TOX: variants seen among roughly 807,000 people sequenced by gnomAD.
TOX encodes thymocyte selection associated high mobility group box.
A neutral mutation model predicts 53.7 loss-of-function variants in TOX; 11 were observed. The ratio of observed to expected loss-of-function variants is 0.20; its 90% CI spans 0.13 to 0.34. The LOEUF is 0.34. TOX is among the 10% of genes least tolerant of loss of function. The pLI is 1.00. For synonymous variants in TOX, 225 were observed against 245.3 expected (o/e 0.92, Z 0.77); for missense variants, 570 against 664.6 (o/e 0.86, Z 1.56).
Position 58,806,138 on chromosome 8 carries a change from C to T in TOX, c.*1609G>A, listed in dbSNP as rs1368416902. ...GCAGATTCTCAAGCACTTTTGGTTC[C>T]CTAGCAAATCTCTGGTACCTTAAGA... On this transcript the variant is annotated 3_prime_UTR_variant, in exon 9 of 9. Transcript: ENST00000361421. 1 of 152,106 alleles carries T rather than the reference C, an allele frequency of 6.6e-6. No homozygotes were observed. The highest frequency in any genetic ancestry group is 2.4e-5 in the African/African-American group (1 of 41,398). The allele number at this position is 152,106 out of a possible 1,614,324, so 9.4% of individuals were successfully genotyped here. A position where few individuals can be genotyped will look rare whatever the true frequency, so the allele number is the denominator to read the frequency against.
Position 58,963,666 on chromosome 8 carries a change from C to T in TOX, c.103-3658G>A, listed in dbSNP as rs546857997. Among the ~76,000 whole-genome samples the T allele has an allele frequency of 6.6e-5, 10 of 152,266 alleles. No individual in the cohort carries two copies. In the South Asian group the frequency reaches 1.7e-3, roughly 25 times the overall value. On this transcript the variant is annotated intron_variant, in intron 1 of 8. Transcript: ENST00000361421. ...TCCAGAATGCCTTCCTTCCCTTTCA[C>T]TTGTCGCAGTGTTTTGTAGACTCCT...
At chr8:59,099,858 A>G (rs918649049) in intron 1 of TOX, among the ~76,000 whole-genome samples, 1 of 152,200 alleles carries the variant, frequency 6.6e-6, no homozygotes, top group Non-Finnish European at 1.5e-5. Context: ...AAAGTCAACC[A>G]AATCTCTTTT....
At chr8:59,057,131 T>G (rs1803901559) in intron 1 of TOX, among the ~76,000 whole-genome samples, 1 of 152,160 alleles carries the variant, frequency 6.6e-6, no homozygotes, top group Non-Finnish European at 1.5e-5. Flanking sequence ...ACCTTCCAAA[T>G]GCTAGTGCTG....
At chr8:58,977,241 G>A (rs947039273) in intron 1 of TOX, among the ~76,000 whole-genome samples, 8 of 152,204 alleles carry the variant, frequency 5.3e-5, no homozygotes, top group East Asian at 1.9e-4. Flanking sequence ...TTTATGTTAT[G>A]AAAATAACTA....
rs895721059 is a variant in TOX at position 58,851,357 on chromosome 8, A to C, written c.693+167T>G. 5.9e-5 allele frequency among the ~76,000 whole-genome samples: 9 copies of C among 152,274 alleles called. No individual in the cohort carries two copies. Among genetic ancestry groups the C allele is most frequent in the African/African-American group, 2.2e-4 (9 of 41,554 alleles). On this transcript the variant is annotated intron_variant, in intron 4 of 8. Coordinates refer to ENST00000361421, the MANE Select transcript of TOX (RefSeq NM_014729.3). This position sits in a 1 kb window ranked among gnomAD's most constrained non-coding sequence, Gnocchi z 4.4. ...CAGGGGCTTTAAAGTGTAATTGGAC[A>C]AGCAGGTGGTTTAATCCAGTATGTT... is the stretch of plus-strand genomic sequence containing the variant.
chr8:59,047,513 C>A (rs1044633694), intron 1 of TOX, among the ~76,000 whole-genome samples: 4 of 151,912 alleles, frequency 2.6e-5, no homozygotes, highest in African/African-American at 4.8e-5. Context: ...CGTGAGCCAC[C>A]GCGCCCGGCT....
intron 3 of TOX, among the ~76,000 whole-genome samples, chr8:58,860,656 C>T (rs1310727705): frequency 1.3e-5 from 2 of 152,106 alleles, no homozygotes; most frequent in African/African-American, 2.4e-5. Flanking sequence ...ATTCTGGCAG[C>T]CAAAAGCTTG....
At chr8:58,965,894 G>GGT (rs1374766431) in intron 1 of TOX, among the ~76,000 whole-genome samples, 1 of 49,616 alleles carries the variant, frequency 2.0e-5, no homozygotes, top group Admixed American at 3.0e-4. Context: ...ACGAGTCATC[G>GGT]TTTTTTTTTT....
chr8:58,825,412 C>T (rs574112893), intron 6 of TOX, among the ~76,000 whole-genome samples: 40 of 152,286 alleles, frequency 2.6e-4, no homozygotes, highest in Non-Finnish European at 4.3e-4. Flanking sequence ...CTGCGGGTTG[C>T]AACTCTGAAA....
chr8:59,073,105 G>C (rs1261912560), intron 1 of TOX, among the ~76,000 whole-genome samples: 2 of 152,026 alleles, frequency 1.3e-5, no homozygotes, highest in East Asian at 1.9e-4. Flanking sequence ...CCCCAACACA[G>C]GCATACTCTT....
chr8:59,083,405 AAG>A (rs1451797710), intron 1 of TOX, among the ~76,000 whole-genome samples: 1 of 152,236 alleles, frequency 6.6e-6, no homozygotes, highest in Non-Finnish European at 1.5e-5. Flanking sequence ...ATAATATTTT[AAG>A]AGTTATTCAA....
At chr8:58,956,760 C>T (rs1447352941) in intron 2 of TOX, among the ~76,000 whole-genome samples, 1 of 152,142 alleles carries the variant, frequency 6.6e-6, no homozygotes, top group Admixed American at 6.5e-5. Flanking sequence ...GGATTACAGG[C>T]ACACACCACC....
At chr8:59,039,955 A>G (rs1283988606) in intron 1 of TOX, among the ~76,000 whole-genome samples, 1 of 152,246 alleles carries the variant, frequency 6.6e-6, no homozygotes, top group Non-Finnish European at 1.5e-5. Flanking sequence ...CATTAAAAAT[A>G]TAATAATTCC....
chr8:58,973,188 A>G (rs1162964759), intron 1 of TOX, among the ~76,000 whole-genome samples: 1 of 152,244 alleles, frequency 6.6e-6, no homozygotes, highest in Non-Finnish European at 1.5e-5. Context: ...AATGCAGGCA[A>G]CAAAGCTCTT....
chr8:58,911,412 C>A (rs1811905883), intron 3 of TOX, among the ~76,000 whole-genome samples: 2 of 152,078 alleles, frequency 1.3e-5, no homozygotes, highest in African/African-American at 4.8e-5. Context: ...CATACTATTT[C>A]TTATTGTTAT....
At chr8:58,828,674 G>A (rs1810402850) in intron 5 of TOX, among the ~76,000 whole-genome samples, 1 of 151,656 alleles carries the variant, frequency 6.6e-6, no homozygotes, top group Non-Finnish European at 1.5e-5. Flanking sequence ...CGTAAGCCTT[G>A]GTGCAGCCAT....
intron 1 of TOX, among the ~76,000 whole-genome samples, chr8:59,049,218 A>G (rs1443806462): frequency 2.0e-5 from 3 of 152,152 alleles, no homozygotes; most frequent in Non-Finnish European, 4.4e-5. Flanking sequence ...GGGACCAAAA[A>G]ATCAGTTAAT....
chr8:58,866,654 C>T (rs1811106974), intron 3 of TOX, among the ~76,000 whole-genome samples: 1 of 152,204 alleles, frequency 6.6e-6, no homozygotes, highest in African/African-American at 2.4e-5. Context: ...ATCTTACTAA[C>T]TGCACATTTA....
intron 7 of TOX, among the ~76,000 whole-genome samples, chr8:58,812,668 A>G (rs1810103556): frequency 6.6e-6 from 1 of 151,932 alleles, no homozygotes; most frequent in Non-Finnish European, 1.5e-5. Context: ...TTATTTGTTT[A>G]TCATATCACC....
Sources: gnomAD v4.1 joint callset for allele counts (sites outside exome capture counted in the v4.1 genomes callset) on GRCh38, gnomAD v4.1.1 for gene constraint, Gnocchi (gnomAD v3.1) non-coding constraint, MANE v1.5 for transcripts, NCBI Gene and HGNC (gene_info 2026-07-23, HGNC 2026-07-21) for gene names.